PABIR3: variants seen among roughly 807,000 people sequenced by gnomAD.
PABIR3 encodes PABIR family member 3, also known as PABIR family member 1.
A neutral mutation model predicts 23.1 loss-of-function variants in PABIR3; 20 were observed. The observed-to-expected ratio is 0.86, with a 90% CI of 0.61 to 1.26. The LOEUF (loss-of-function observed/expected upper bound fraction) is 1.26, where lower values mean the gene tolerates loss of function less well. Among genes scored for constraint, PABIR3 ranks in the 50% most tolerant of loss-of-function variants. The pLI is 0.00. For missense variants in PABIR3, 189 were observed against 195.4 expected (o/e 0.97, Z 0.20); for synonymous variants, 69 against 68.5 (o/e 1.01, Z -0.04).
downstream of PABIR3, among the ~76,000 whole-genome samples, chrX:134,858,945 A>G (rs142705726): frequency 8.9e-5 from 10 of 112,145 alleles, no homozygotes; most frequent in East Asian, 2.2e-3. Context: ...ACTAAATCCT[A>G]TAAGTTGTCC....
chrX:134,821,465 C>T, intron 3 of PABIR3: 1 of 1,154,271 alleles, frequency 8.7e-7, no homozygotes, highest in Non-Finnish European at 1.1e-6. Flanking sequence ...TTCTCTCCCA[C>T]CAGGAATTCT....
intron 4 of PABIR3, among the ~76,000 whole-genome samples, chrX:134,833,419 C>A (rs952765201): frequency 1.8e-5 from 2 of 111,483 alleles, no homozygotes; most frequent in African/African-American, 6.5e-5. Context: ...TCCTTAATGT[C>A]ATCTAAATCC....
intron 4 of PABIR3, among the ~76,000 whole-genome samples, chrX:134,833,559 T>A (rs1274774109): frequency 1.8e-5 from 2 of 111,661 alleles, no homozygotes; most frequent in Non-Finnish European, 3.8e-5. Flanking sequence ...TTTTATTTTA[T>A]TTATGTTCCA....
upstream of PABIR3, among the ~76,000 whole-genome samples, chrX:134,802,495 C>T (rs189286521): frequency 2.4e-3 from 271 of 111,990 alleles, 1 homozygote; most frequent in Admixed American, 6.0e-3. Context: ...AAAGGAAGAA[C>T]TCAGCCTGGT....
At chrX:134,827,615 A>G (rs1397574050) in intron 3 of PABIR3, among the ~76,000 whole-genome samples, 2 of 111,450 alleles carry the variant, frequency 1.8e-5, no homozygotes, top group Admixed American at 1.9e-4. Flanking sequence ...TGGGTTTCCT[A>G]TTGTGCTCAA....
At chrX:134,809,643 C>T (rs1156586155) in intron 2 of PABIR3, 16 of 733,638 alleles carry the variant, frequency 2.2e-5, no homozygotes, top group Non-Finnish European at 2.4e-5. Flanking sequence ...TTCACAGTAC[C>T]ATAGACTATC....
In PABIR3 at chrX:134,829,330, T is replaced by A. The variant is rs778520216; in HGVS notation, c.246+48T>A. On this transcript the variant is annotated intron_variant, in intron 4 of 10. Transcript: ENST00000645433. ...CAGCTGTTCATTTAAAAAAGTAAAT[T>A]TTATTTTTCTTTGTGAAAATACCTA... 1.2e-5 allele frequency: 12 copies of A among 1,038,744 alleles called. No homozygotes were observed. In the South Asian group the frequency reaches 2.6e-4, roughly 22 times the overall value. 85.6% of individuals were successfully genotyped at this position (1,038,744 alleles called of 1,213,427 possible). A position where few individuals can be genotyped will look rare whatever the true frequency, so the allele number is the denominator to read the frequency against.
At chrX:134,810,476 C>T in intron 2 of PABIR3, 1 of 753,895 alleles carries the variant, frequency 1.3e-6, no homozygotes, top group South Asian at 6.7e-5. Flanking sequence ...TCTAGTCTGT[C>T]AGAAAGAAGT....
the PABIR3 span, among the ~76,000 whole-genome samples, chrX:134,862,141 T>C: frequency 1.0e-5 from 1 of 96,679 alleles, no homozygotes; most frequent in Non-Finnish European, 2.0e-5. Flanking sequence ...TTTTATTGGC[T>C]GTTTTTTTTT....
At chrX:134,862,934 A>G in the PABIR3 span, among the ~76,000 whole-genome samples, 1 of 112,148 alleles carries the variant, frequency 8.9e-6, no homozygotes, top group Non-Finnish European at 1.9e-5. Flanking sequence ...GATATTTGGC[A>G]ATGGCTATCA....
chrX:134,852,394 G>T (rs2082667162), intron 9 of PABIR3, among the ~76,000 whole-genome samples: 1 of 111,024 alleles, frequency 9.0e-6, no homozygotes, highest in Admixed American at 9.7e-5. Flanking sequence ...AGAATTGCTG[G>T]AACCTGGGAG....
At chrX:134,861,228 T>C in the PABIR3 span, among the ~76,000 whole-genome samples, 1 of 108,579 alleles carries the variant, frequency 9.2e-6, no homozygotes, top group South Asian at 4.0e-4. Flanking sequence ...TGAGCCGAGA[T>C]GGCGCCACTG....
intron 9 of PABIR3, among the ~76,000 whole-genome samples, chrX:134,850,275 G>A (rs1399223607): frequency 9.0e-6 from 1 of 111,301 alleles, no homozygotes; most frequent in South Asian, 3.7e-4. Flanking sequence ...AGAAAGAGGA[G>A]TAAGAAGAAT....
chrX:134,830,628 AG>A (rs2081740912), intron 4 of PABIR3, among the ~76,000 whole-genome samples: 1 of 110,365 alleles, frequency 9.1e-6, no homozygotes, highest in African/African-American at 3.3e-5. Flanking sequence ...CCACCGTGCC[AG>A]GCTGTTTTTT....
In PABIR3 at chrX:134,807,633, C is replaced by T. The variant is rs746127027; in HGVS notation, c.35C>T (p.Ser12Leu). The change falls in exon 2 of 11, where the codon TCG (serine) becomes TTG (leucine). Residue 12 changes from serine to leucine, a missense_variant. Transcript: ENST00000645433. The part of the protein sequence containing the change: ...AQEKMKLGFK[S>L]LPSSTTADGN... ...GAGAAAATGAAACTAGGTTTCAAGT[C>T]GCTGCCGAGTTCCACTACCGCAGAC... The T allele has an allele frequency of 2.5e-5, 30 of 1,208,553 alleles. No homozygotes were observed. Among genetic ancestry groups the T allele is most frequent in the Middle Eastern group, 2.3e-4 (1 of 4,370 alleles).
intron 4 of PABIR3, among the ~76,000 whole-genome samples, chrX:134,830,271 C>G (rs951805007): frequency 2.8e-5 from 3 of 108,813 alleles, no homozygotes; most frequent in African/African-American, 1.0e-4. Flanking sequence ...GGCATGGCTT[C>G]CCTAAGGTCA....
At chrX:134,848,468 A>G (rs1452557441) in intron 8 of PABIR3, among the ~76,000 whole-genome samples, 1 of 111,618 alleles carries the variant, frequency 9.0e-6, no homozygotes, top group Non-Finnish European at 1.9e-5. Flanking sequence ...CATAAGAAGA[A>G]TTTAGTAATT....
intron 2 of PABIR3, chrX:134,809,958 G>A: frequency 2.7e-6 from 2 of 754,345 alleles, no homozygotes; most frequent in Non-Finnish European, 1.6e-6. Flanking sequence ...AACATAGAAG[G>A]GGGACTCTGC....
rs752756981 is a variant in PABIR3 at position 134,843,409 on chromosome X, A to G, written c.247-1796A>G. 5.0e-3 allele frequency among the ~76,000 whole-genome samples: 479 copies of G among 95,894 alleles called. 3 individuals are homozygous for G. Among genetic ancestry groups the G allele is most frequent in the Middle Eastern group, 0.021 (4 of 190 alleles). The allele number at this position is 95,894 out of a possible 115,157, so 83.3% of individuals were successfully genotyped here. A position where few individuals can be genotyped will look rare whatever the true frequency, so the allele number is the denominator to read the frequency against. On this transcript the variant is annotated intron_variant, in intron 4 of 10. Transcript: ENST00000645433. ...TTTCGAGTGAATTTCTGCATAGGGT[A>G]AAAAAAAAAAAGGGGGTTCAACTTC...
Sources: allele counts gnomAD v4.1 joint callset (sites outside exome capture counted in the v4.1 genomes callset), GRCh38; gene constraint gnomAD v4.1.1; transcripts MANE v1.5; gene names NCBI Gene and HGNC (gene_info 2026-07-23, HGNC 2026-07-21).